Variants in COL8A1 observed in about 807,000 individuals in gnomAD.
The protein encoded by COL8A1 is collagen alpha-1(VIII) chain.
COL8A1 carries 21 observed loss-of-function variants against 42.7 expected under a neutral mutation model. The ratio of observed to expected loss-of-function variants is 0.49; its 90% CI spans 0.35 to 0.71. The LOEUF (loss-of-function observed/expected upper bound fraction) is 0.71, where lower values mean the gene tolerates loss of function less well. Among genes scored for constraint, COL8A1 ranks in the 30% least tolerant of loss-of-function variants. The pLI is 0.01. For synonymous variants in COL8A1, 367 were observed against 369.1 expected, an observed-to-expected ratio of 0.99 and a Z score of 0.06; for missense variants, 788 against 962.4, an observed-to-expected ratio of 0.82 and a Z score of 2.40.
At chr3:99,698,173 T>G (rs1939434583) in intron 1 of COL8A1, among the ~76,000 whole-genome samples, 1 of 152,236 alleles carries the variant, frequency 6.6e-6, no homozygotes, top group Admixed American at 6.5e-5. Context: ...TGCATAGTAT[T>G]CCATGGTGTA....
chr3:99,712,992 A>G (rs534783246), intron 1 of COL8A1, among the ~76,000 whole-genome samples: 1 of 152,284 alleles, frequency 6.6e-6, no homozygotes, highest in East Asian at 1.9e-4. Flanking sequence ...GTTTTCACAA[A>G]GTTGAGAACA....
In COL8A1 at chr3:99,653,237, C is replaced by T. The variant is rs16841594; in HGVS notation, c.-129+14573C>T. ...CAGCAGCTTCAAGTGTCGCTGTCTA[C>T]GTGTTGCAAATAAGGGCACTAAGAA... On this transcript the variant is annotated intron_variant, in intron 1 of 3. Coordinates refer to ENST00000652472, the MANE Select transcript of COL8A1 (RefSeq NM_020351.4). 5.8e-3 allele frequency among the ~76,000 whole-genome samples: 884 copies of T among 152,300 alleles called. 10 individuals are homozygous for T. Among genetic ancestry groups the T allele is most frequent in the African/African-American group, 0.02 (846 of 41,572 alleles).
intron 1 of COL8A1, among the ~76,000 whole-genome samples, chr3:99,720,766 A>G (rs563491559): frequency 1.3e-5 from 2 of 152,268 alleles, no homozygotes; most frequent in South Asian, 4.1e-4. Flanking sequence ...ACTGTCATGT[A>G]TTCAAAAACC....
At position 99,668,503 on chromosome 3, in the gene COL8A1, C is replaced by T. The variant is rs1400016835; in HGVS notation, c.-129+29839C>T. Among the ~76,000 whole-genome samples, 5 of 151,966 alleles carry T rather than the reference C, an allele frequency of 3.3e-5. 1 individual carries two copies. The highest frequency in any genetic ancestry group is 4.1e-4 in the South Asian group (2 of 4,822). Reference sequence around the variant, plus strand: ...ACTTAAAAAGAATATAGAAACATATCGAAGATCAAGTCATCTTCTAAAACA... The same window carrying T: ...ACTTAAAAAGAATATAGAAACATATTGAAGATCAAGTCATCTTCTAAAACA... On this transcript the variant is annotated intron_variant, in intron 1 of 3. Coordinates refer to ENST00000652472, the MANE Select transcript of COL8A1 (RefSeq NM_020351.4).
intron 2 of COL8A1, among the ~76,000 whole-genome samples, chr3:99,756,174 C>T (rs1280673793): frequency 6.6e-6 from 1 of 151,506 alleles, no homozygotes; most frequent in Non-Finnish European, 1.5e-5. Context: ...GTACGAATAC[C>T]ATTTATCAAA....
chr3:99,725,789 A>C (rs1001284210), intron 1 of COL8A1, among the ~76,000 whole-genome samples: 4 of 151,906 alleles, frequency 2.6e-5, no homozygotes, highest in Admixed American at 1.3e-4. Flanking sequence ...GCATATGTGC[A>C]ACATTTTCTT....
chr3:99,757,912 T>C (rs1159966731), intron 2 of COL8A1, among the ~76,000 whole-genome samples: 2 of 152,168 alleles, frequency 1.3e-5, no homozygotes, highest in African/African-American at 4.8e-5. Flanking sequence ...TTCCTTGAGA[T>C]CTTTGAATCT....
At chr3:99,717,796 A>G (rs1056098286) in intron 1 of COL8A1, among the ~76,000 whole-genome samples, 3 of 151,972 alleles carry the variant, frequency 2.0e-5, no homozygotes, top group Non-Finnish European at 4.4e-5. Flanking sequence ...GCTGTAGATA[A>G]AGTTGGAGCT....
At chr3:99,685,654 G>A (rs1163785575) in intron 1 of COL8A1, 2 of 152,106 alleles carry the variant, frequency 1.3e-5, no homozygotes, top group Non-Finnish European at 2.9e-5. Flanking sequence ...TTTCCACATA[G>A]TGTAAATGAT....
rs761469446 is a variant in COL8A1, at chr3:99,795,262, T to G, written c.1361T>G (p.Leu454Trp). 6.8e-6 allele frequency: 11 copies of G among 1,612,976 alleles called. No homozygotes were observed. The highest frequency in any genetic ancestry group is 1.6e-4 in the Middle Eastern group (1 of 6,072). Residue 454 changes from leucine to tryptophan, a missense_variant, in exon 4 of 4, where the codon TTG becomes TGG. Leu to Trp is a moderately conservative substitution (Grantham distance 61). Coordinates refer to ENST00000652472, the MANE Select transcript of COL8A1 (RefSeq NM_020351.4). ...GEVGPPGMRG[L>W]PGPIGPKGEA... ...GTAGGGCCTCCTGGCATGAGGGGTT[T>G]GCCAGGTCCCATAGGGCCCAAGGGG...
At chr3:99,694,335 C>A (rs756396954) in intron 1 of COL8A1, among the ~76,000 whole-genome samples, 31 of 151,860 alleles carry the variant, frequency 2.0e-4, no homozygotes, top group Non-Finnish European at 4.3e-4. Context: ...ATATAAAAAT[C>A]AGCTGGTCAT....
At chr3:99,669,842 A>T (rs1408646993) in intron 1 of COL8A1, among the ~76,000 whole-genome samples, 1 of 152,036 alleles carries the variant, frequency 6.6e-6, no homozygotes. Context: ...CCATGGTGTG[A>T]TCCCTGCTCT....
intron 2 of COL8A1, among the ~76,000 whole-genome samples, chr3:99,767,714 AT>A (rs902614886): frequency 6.6e-6 from 1 of 152,248 alleles, no homozygotes; most frequent in African/African-American, 2.4e-5. Context: ...GTGGATCAAC[AT>A]ATAAGGCATC....
rs183712945 is a variant in COL8A1, at chr3:99,708,481, G to T, written c.-128-36416G>T. 3.3e-3 allele frequency among the ~76,000 whole-genome samples: 496 copies of T among 152,224 alleles called. 2 individuals carry two copies. The highest frequency in any genetic ancestry group is 0.011 in the African/African-American group (454 of 41,550). ...TGCCTTGCCAGAAAATCACCAGCTTGAATCATTCTGATGATAAAACCTTCC... is the reference window on the plus strand; with the variant it reads ...TGCCTTGCCAGAAAATCACCAGCTTTAATCATTCTGATGATAAAACCTTCC... On this transcript the variant is annotated intron_variant, in intron 1 of 3. Transcript: ENST00000652472.
chr3:99,789,791 C>T (rs1462308288), intron 2 of COL8A1, among the ~76,000 whole-genome samples: 1 of 152,052 alleles, frequency 6.6e-6, no homozygotes, highest in African/African-American at 2.4e-5. Context: ...TGTAAACTTT[C>T]TTTCACAAAA....
At chr3:99,705,212 C>T (rs1381218164) in intron 1 of COL8A1, among the ~76,000 whole-genome samples, 2 of 152,156 alleles carry the variant, frequency 1.3e-5, no homozygotes, top group Non-Finnish European at 2.9e-5. Context: ...GTAGTTCTGA[C>T]GTACGTCCAG....
chr3:99,720,749 T>C (rs1469368933), intron 1 of COL8A1, among the ~76,000 whole-genome samples: 1 of 152,014 alleles, frequency 6.6e-6, no homozygotes, highest in Non-Finnish European at 1.5e-5. Flanking sequence ...ATTGAGAAAA[T>C]GGAAGAACTG....
At chr3:99,667,403 T>A (rs1434361761) in intron 1 of COL8A1, among the ~76,000 whole-genome samples, 1 of 152,216 alleles carries the variant, frequency 6.6e-6, no homozygotes, top group African/African-American at 2.4e-5. Context: ...ACCTTAGGAC[T>A]CAAAAATACT....
chr3:99,675,827 GAATA>G (rs1938676488), intron 1 of COL8A1: 1 of 152,412 alleles, frequency 6.6e-6, no homozygotes, highest in Admixed American at 6.6e-5. Context: ...CTCTAAGGCT[GAATA>G]AATACTCACA....
Sources: allele counts gnomAD v4.1 joint callset (sites outside exome capture counted in the v4.1 genomes callset), GRCh38; gene constraint gnomAD v4.1.1; transcripts MANE v1.5; gene names NCBI Gene and HGNC (gene_info 2026-07-23, HGNC 2026-07-21).